ANO4: variants seen among roughly 807,000 people sequenced by gnomAD.
ANO4 encodes anoctamin-4.
In ANO4, 69 loss-of-function variants were observed where a neutral mutation model predicts 141.9. That is an observed-to-expected ratio of 0.49 (90% CI 0.40 to 0.59). The LOEUF (loss-of-function observed/expected upper bound fraction) is 0.59, where lower values mean the gene tolerates loss of function less well. Among genes scored for constraint, ANO4 ranks in the 20% least tolerant of loss-of-function variants. The probability of loss-of-function intolerance (pLI) is 0.00; values close to 1 mark genes in which losing one functional copy is unlikely to be tolerated. For synonymous variants in ANO4, 350 were observed against 394.3 expected (o/e 0.89, Z 1.33); for missense variants, 894 against 1,162.2 (o/e 0.77, Z 3.36).
At chr12:100,929,322 T>A (rs1245244909) in intron 3 of ANO4, among the ~76,000 whole-genome samples, 1 of 152,160 alleles carries the variant, frequency 6.6e-6, no homozygotes, top group Non-Finnish European at 1.5e-5. Context: ...TCTCCATTAG[T>A]TCAATTGTTT....
rs185070479 is a variant in ANO4, at chr12:100,770,082, A to G, written c.358+29977A>G. On this transcript the variant is annotated intron_variant, in intron 3 of 29. Transcript: ENST00000644049. The stretch of plus-strand genomic sequence containing the variant: ...TATAAAAATGTTTGTCTCTGGTTGA[A>G]TATTGCGATAGCTATGTAACACCGT... Among the ~76,000 whole-genome samples, 290 of 152,328 alleles carry G rather than the reference A, an allele frequency of 1.9e-3. 4 individuals carry two copies. Among genetic ancestry groups the G allele is most frequent in the African/African-American group, 6.8e-3 (282 of 41,572 alleles).
intron 3 of ANO4, among the ~76,000 whole-genome samples, chr12:100,787,151 G>C (rs2033899199): frequency 6.6e-6 from 1 of 152,182 alleles, no homozygotes; most frequent in East Asian, 1.9e-4. Context: ...GAAACACATA[G>C]TAAGACAGTT....
intron 9 of ANO4, among the ~76,000 whole-genome samples, chr12:101,035,459 G>T (rs2047155506): frequency 6.6e-6 from 1 of 152,162 alleles, no homozygotes; most frequent in South Asian, 2.1e-4. Flanking sequence ...CGTACTGATG[G>T]TCTTATGAGT....
chr12:101,089,740 G>C (rs569865580), intron 17 of ANO4, among the ~76,000 whole-genome samples: 1 of 152,320 alleles, frequency 6.6e-6, no homozygotes, highest in East Asian at 1.9e-4. Flanking sequence ...AGCCAAAATT[G>C]ACAAATGGGA....
chr12:101,095,960 T>C (rs568253539), intron 18 of ANO4, among the ~76,000 whole-genome samples: 1 of 152,314 alleles, frequency 6.6e-6, no homozygotes, highest in Non-Finnish European at 1.5e-5. Context: ...CAGATGGTGA[T>C]ATGAATTAAA....
chr12:101,073,642 C>G (rs914255453), intron 14 of ANO4, among the ~76,000 whole-genome samples: 1 of 151,226 alleles, frequency 6.6e-6, no homozygotes. Context: ...AGCCCTGTCC[C>G]TTTTGTGTCT....
At chr12:101,000,496 C>T (rs958554477) in intron 8 of ANO4, among the ~76,000 whole-genome samples, 9 of 152,080 alleles carry the variant, frequency 5.9e-5, no homozygotes, top group Non-Finnish European at 1.0e-4. Flanking sequence ...GGCAGAGGTA[C>T]CAAGATTGAT....
chr12:101,040,175 G>A, intron 11 of ANO4, 99 bp downstream of exon 11: 1 of 1,443,182 alleles, frequency 6.9e-7, no homozygotes, highest in Non-Finnish European at 9.3e-7. Flanking sequence ...AGAGCCTGAA[G>A]TGTACAGCTC....
intron 5 of ANO4, among the ~76,000 whole-genome samples, chr12:100,964,863 T>C (rs2043583246): frequency 6.6e-6 from 1 of 152,316 alleles, no homozygotes; most frequent in South Asian, 2.1e-4. Flanking sequence ...TCTATTTTCT[T>C]ACTCTATTTT....
At chr12:100,857,451 T>G (rs2038235665) in intron 1 of ANO4, among the ~76,000 whole-genome samples, 1 of 152,130 alleles carries the variant, frequency 6.6e-6, no homozygotes, top group Non-Finnish European at 1.5e-5. Context: ...ACTTAATCCT[T>G]ACCATAATCC....
At chr12:101,068,786 TAGAAG>T (rs2048697439) in intron 14 of ANO4, 1 of 1,238,894 alleles carries the variant, frequency 8.1e-7, no homozygotes, top group Admixed American at 1.7e-5. Flanking sequence ...AGCCTGGCTT[TAGAAG>T]AGCCCACAGT....
intron 13 of ANO4, among the ~76,000 whole-genome samples, chr12:101,044,666 G>T (rs752633311): frequency 6.6e-6 from 1 of 152,154 alleles, no homozygotes; most frequent in Non-Finnish European, 1.5e-5. Context: ...CCAGGATCCC[G>T]CCTATCTATA....
rs573291241 is a variant in ANO4, at chr12:101,090,623, A to G, written c.1702-3633A>G. Among the ~76,000 whole-genome samples, 232 of 152,268 alleles carry G rather than the reference A, an allele frequency of 1.5e-3. 1 individual carries two copies. Among genetic ancestry groups the G allele is most frequent in the African/African-American group, 5.0e-3 (209 of 41,556 alleles). On this transcript the variant is annotated intron_variant, in intron 17 of 27. Transcript: ENST00000392977. The stretch of plus-strand genomic sequence containing the variant: ...GGGGTGTGGGTGAGGCGGGAGGGAT[A>G]GCATTAGGAGATATACCTAATGTAA...
intron 8 of ANO4, among the ~76,000 whole-genome samples, chr12:101,012,993 G>A (rs930056442): frequency 6.6e-6 from 1 of 152,068 alleles, no homozygotes; most frequent in East Asian, 1.9e-4. Context: ...GGTACATCTG[G>A]AGAAAAGGGA....
intron 1 of ANO4, among the ~76,000 whole-genome samples, chr12:100,873,684 A>G (rs2039147361): frequency 6.6e-6 from 1 of 152,230 alleles, no homozygotes; most frequent in Admixed American, 6.5e-5. Context: ...AAAGGGAAGT[A>G]GAGTGTAAAA....
chr12:100,769,933 A>AT (rs140952269), intron 3 of ANO4, among the ~76,000 whole-genome samples: 22,212 of 152,148 alleles, frequency 0.15, 1,890 homozygotes, highest in Non-Finnish European at 0.19. Flanking sequence ...CTTTCACATA[A>AT]TTTTTTTCTT....
In ANO4 at chr12:100,934,640, A is replaced by G. The variant is rs181122085; in HGVS notation, c.161-4675A>G. On this transcript the variant is annotated intron_variant, in intron 3 of 27. Transcript: ENST00000392977. ...CAATTCTGTGAAGAAAGTCATTGGCAGCTTGATGGGGATTGCATTAAATCT... is the reference window on the plus strand; with the variant it reads ...CAATTCTGTGAAGAAAGTCATTGGCGGCTTGATGGGGATTGCATTAAATCT... 8.4e-4 allele frequency among the ~76,000 whole-genome samples: 128 copies of G among 152,220 alleles called. 1 individual carries two copies. In the East Asian group the frequency reaches 0.024, roughly 29 times the overall value.
At chr12:100,980,334 C>T (rs978787801) in intron 7 of ANO4, among the ~76,000 whole-genome samples, 1 of 152,166 alleles carries the variant, frequency 6.6e-6, no homozygotes, top group Admixed American at 6.5e-5. Context: ...TTAAAATCCA[C>T]GTTGTCAGAA....
chr12:101,120,859 C>G (rs939873061), intron 26 of ANO4, among the ~76,000 whole-genome samples: 22 of 152,054 alleles, frequency 1.4e-4, no homozygotes, highest in African/African-American at 5.3e-4. Context: ...GAACTCGTTG[C>G]TCCTAAATGT....
Sources: gnomAD v4.1 joint callset for allele counts (sites outside exome capture counted in the v4.1 genomes callset) on GRCh38, gnomAD v4.1.1 for gene constraint, MANE v1.5 for transcripts, NCBI Gene and HGNC (gene_info 2026-07-23, HGNC 2026-07-21) for gene names.